The following SPTBN2 variants were observed in gnomAD, a reference collection of about 807,000 sequenced individuals.
SPTBN2 encodes the protein spectrin beta, non-erythrocytic 2, also known as spectrin beta chain, non-erythrocytic 2.
SPTBN2 carries 107 observed loss-of-function variants against 284.2 expected under a neutral mutation model. That is an observed-to-expected ratio of 0.38 (90% CI 0.32 to 0.44). SPTBN2 has a LOEUF of 0.44. SPTBN2 is among the 20% of genes least tolerant of loss of function. The pLI is 1.00. For missense variants in SPTBN2, 2,569 were observed against 3,287.1 expected, an observed-to-expected ratio of 0.78 and a Z score of 5.34; for synonymous variants, 1,289 against 1,354.8, an observed-to-expected ratio of 0.95 and a Z score of 1.07.
Position 66,715,376 on chromosome 11 carries a change from C to A in SPTBN2, c.329G>T (p.Arg110Leu). 6.2e-7 allele frequency: 1 copy of A among 1,613,696 alleles called. No individual in the cohort carries two copies. The highest frequency in any genetic ancestry group is 8.5e-7 in the Non-Finnish European group (1 of 1,179,604). ...GTTCTCCAGGCAGTGGATCCGCATG[C>A]GGCCCTTTGTAGGCTTTGGCTGTGG... ...GEILPKPTKG[R>L]MRIHCLENVD... The change falls in exon 5 of 38, where the codon CGC (arginine) becomes CTC (leucine). Residue 110 changes from arginine (R) to leucine (L), a missense_variant. Arg to Leu is a moderately radical substitution (Grantham distance 102, BLOSUM62 -2). Around this residue, in one of 6 missense-constraint regions of SPTBN2, gnomAD observed 304 missense variants for 522.1 expected, o/e 0.58. Transcript: ENST00000533211. This position sits in a 1 kb window ranked among gnomAD's most constrained non-coding sequence, Gnocchi z 5.3.
intron 1 of SPTBN2, among the ~76,000 whole-genome samples, chr11:66,722,289 A>C (rs961314969): frequency 6.6e-6 from 1 of 151,246 alleles, no homozygotes; most frequent in South Asian, 2.1e-4. Flanking sequence ...AAAGATATTA[A>C]GTTGGCTGGG....
At position 66,700,057 on chromosome 11, in the gene SPTBN2, G is replaced by A. The variant is rs1941154800; in HGVS notation, c.3574-449C>T. On this transcript the variant is annotated intron_variant, in intron 17 of 37. Coordinates refer to ENST00000533211, the MANE Select transcript of SPTBN2 (RefSeq NM_006946.4). The surrounding 1 kb of genome is among the most constrained non-coding windows in gnomAD (Gnocchi z 6.6). Reference sequence around the variant, plus strand: ...CTGCAGCCTCAAACTCCTGGCTCCAGTGATCCACCAGCCTCAGCCTCCCCA... The same window carrying A: ...CTGCAGCCTCAAACTCCTGGCTCCAATGATCCACCAGCCTCAGCCTCCCCA... Among the ~76,000 whole-genome samples, 1 of 151,726 alleles carries A rather than the reference G, an allele frequency of 6.6e-6. No homozygotes were observed. Among genetic ancestry groups the A allele is most frequent in the Non-Finnish European group, 1.5e-5 (1 of 67,952 alleles).
At chr11:66,740,831 T>C (rs1468782915) in intron 1 of SPTBN2, among the ~76,000 whole-genome samples, 1 of 152,206 alleles carries the variant, frequency 6.6e-6, no homozygotes, top group East Asian at 1.9e-4. Context: ...CTTAAGTTCC[T>C]AGGGTCAGCC....
intron 1 of SPTBN2, among the ~76,000 whole-genome samples, chr11:66,722,180 G>A (rs929678339): frequency 6.6e-6 from 1 of 152,178 alleles, no homozygotes; most frequent in Admixed American, 6.5e-5. Flanking sequence ...AATGTCGGCT[G>A]TGACATATCC....
chr11:66,694,275 G>A lies in SPTBN2; in HGVS notation c.4367C>T (p.Ala1456Val). The A allele has an allele frequency of 6.2e-7, 1 of 1,614,220 alleles. No homozygotes were observed. Among genetic ancestry groups the A allele is most frequent in the Non-Finnish European group, 8.5e-7 (1 of 1,180,042 alleles). The part of the protein sequence containing the change: ...AKALAQEDQG[A>V]GEVERTSRAV... The stretch of plus-strand genomic sequence containing the variant: ...CCTCGAGGTTCTCTCCACCTCCCCT[G>A]CACCCTGGTCCTCCTGGGCCAGTGC... The change falls in exon 22 of 38, where the codon GCA becomes GTA. Residue 1456 changes from alanine (A) to valine (V), a missense_variant. Physicochemically the swap from Ala to Val is moderately conservative, Grantham distance 64 (BLOSUM62 0). Coordinates refer to ENST00000533211, the MANE Select transcript of SPTBN2 (RefSeq NM_006946.4).
At chr11:66,722,748 C>T (rs1942475530) in intron 1 of SPTBN2, among the ~76,000 whole-genome samples, 1 of 151,678 alleles carries the variant, frequency 6.6e-6, no homozygotes, top group East Asian at 1.9e-4. Flanking sequence ...ACAAAATTAG[C>T]TGGGCGTGGT....
chr11:66,700,762 C>G lies in SPTBN2; in HGVS notation c.3337G>C (p.Glu1113Gln). 1 of 1,602,334 alleles carries G rather than the reference C, an allele frequency of 6.2e-7. No individual in the cohort carries two copies. The highest frequency in any genetic ancestry group is 1.1e-5 in the South Asian group (1 of 91,054). Reference protein sequence around the residue: ...LLAQHAALRGEVERAQSEYSR... With the variant: ...LLAQHAALRGQVERAQSEYSR... ...TACTCGCTCTGGGCCCGCTCCACCT[C>G]TCCCCGCAGGGCTGCATGTTGGGCC... The change falls in exon 17 of 38, where the codon GAG becomes CAG. Residue 1113 changes from glutamate to glutamine, a missense_variant. By Grantham distance (29) the Glu-to-Gln change is conservative (BLOSUM62 2). Transcript: ENST00000533211. This position sits in a 1 kb window ranked among gnomAD's most constrained non-coding sequence, Gnocchi z 6.6.
At position 66,715,231 on chromosome 11, in the gene SPTBN2, A is replaced by C; in HGVS notation, c.474T>G (p.Leu158=). Residue 158 remains leucine (L), a synonymous_variant, in exon 5 of 38, where the codon CTT becomes CTG. Transcript: ENST00000533211. The surrounding 1 kb of genome is among the most constrained non-coding windows in gnomAD (Gnocchi z 5.3). ...LTLGLVWTII[L]RFQIQDISVE... ...CAGTGTGCTGGGGTACCTGGAATCGAAGGATGATGGTCCAGACCAGCCCAA... is the reference window on the plus strand; with the variant it reads ...CAGTGTGCTGGGGTACCTGGAATCGCAGGATGATGGTCCAGACCAGCCCAA... 4.3e-6 allele frequency: 7 copies of C among 1,614,186 alleles called. No individual in the cohort carries two copies. Among genetic ancestry groups the C allele is most frequent in the Non-Finnish European group, 5.9e-6 (7 of 1,180,030 alleles).
At chr11:66,703,923 A>G (rs1170443243) in intron 15 of SPTBN2, among the ~76,000 whole-genome samples, 1 of 151,792 alleles carries the variant, frequency 6.6e-6, no homozygotes, top group Admixed American at 6.6e-5. Context: ...CACACAGACA[A>G]TTTGAAAATA....
At chr11:66,714,062 T>C (rs748095012) in intron 7 of SPTBN2, 29 bp downstream of exon 7, 6 of 1,610,198 alleles carry the variant, frequency 3.7e-6, no homozygotes, top group Non-Finnish European at 5.1e-6. Flanking sequence ...CCAGCAGCTC[T>C]GCTGCGTTTG....
chr11:66,692,448 G>A, intron 26 of SPTBN2, 88 bp downstream of exon 26: 1 of 1,513,592 alleles, frequency 6.6e-7, no homozygotes, highest in Non-Finnish European at 9.0e-7. Flanking sequence ...GCCCCTCAGT[G>A]CTCTGCCTGG....
At chr11:66,738,561 G>A (rs1253332780) in intron 1 of SPTBN2, among the ~76,000 whole-genome samples, 1 of 152,204 alleles carries the variant, frequency 6.6e-6, no homozygotes, top group Admixed American at 6.5e-5. Flanking sequence ...CTGTTGCCAG[G>A]CTGGAGTGCA....
chr11:66,685,877 G>A lies in SPTBN2; in HGVS notation c.7167C>T (p.Asn2389=). Residue 2389 remains asparagine (N), a synonymous_variant, in exon 38 of 38, where the codon AAC becomes AAT. Transcript: ENST00000533211. This position sits in a 1 kb window ranked among gnomAD's most constrained non-coding sequence, Gnocchi z 4.4. ...CCTGGGACCTTGCCCCCAACTACTT[G>A]TTCTTCTTAAAGAAGCTGAAGCGTT... is the stretch of plus-strand genomic sequence containing the variant. The part of the protein sequence containing the change: ...REKRFSFFKK[N]K 2 of 1,613,776 alleles carry A rather than the reference G, an allele frequency of 1.2e-6. No individual in the cohort carries two copies. The highest frequency in any genetic ancestry group is 1.7e-6 in the Non-Finnish European group (2 of 1,180,004).
intron 3 of SPTBN2, among the ~76,000 whole-genome samples, chr11:66,719,064 C>T (rs1942276264): frequency 6.6e-6 from 1 of 152,364 alleles, no homozygotes; most frequent in South Asian, 2.1e-4. Context: ...GCGAGGGCGA[C>T]CCCTCTCTGG....
At chr11:66,703,738 A>C (rs1941371899) in intron 15 of SPTBN2, among the ~76,000 whole-genome samples, 1 of 150,908 alleles carries the variant, frequency 6.6e-6, no homozygotes, top group Non-Finnish European at 1.5e-5. Context: ...CTCCATCTCA[A>C]AAAAAAAAGA....
Position 66,683,149 on chromosome 11 carries a change from G to A in SPTBN2, c.*2722C>T, listed in dbSNP as rs1488504156. Among the ~76,000 whole-genome samples the A allele has an allele frequency of 8.2e-6, 1 of 122,520 alleles. No homozygotes were observed. Among genetic ancestry groups the A allele is most frequent in the Non-Finnish European group, 1.6e-5 (1 of 61,946 alleles). 80.4% of individuals were successfully genotyped at this position (122,520 alleles called of 152,430 possible). A position where few individuals can be genotyped will look rare whatever the true frequency, so the allele number is the denominator to read the frequency against. On this transcript the variant is annotated 3_prime_UTR_variant, in exon 38 of 38. Coordinates refer to ENST00000533211, the MANE Select transcript of SPTBN2 (RefSeq NM_006946.4). ...GTGGCGGCATCTCGGCTCACTGCAA[G>A]CTCCGCCTCCCGGGTTCACGCCATT...
intron 1 of SPTBN2, among the ~76,000 whole-genome samples, chr11:66,740,934 G>T (rs1266858307): frequency 6.6e-6 from 1 of 152,114 alleles, no homozygotes; most frequent in Non-Finnish European, 1.5e-5. Context: ...ACATTCAAAA[G>T]GAAAGCTCAA....
Position 66,710,490 on chromosome 11 carries a change from T to A in SPTBN2, c.1073+92A>T, listed in dbSNP as rs548640315. 6 of 1,332,730 alleles carry A rather than the reference T, an allele frequency of 4.5e-6. No individual in the cohort carries two copies. In the East Asian group the frequency reaches 1.2e-4, roughly 28 times the overall value. The allele number at this position is 1,332,730 out of a possible 1,614,324, so 82.6% of individuals were successfully genotyped here. A position where few individuals can be genotyped will look rare whatever the true frequency, so the allele number is the denominator to read the frequency against. On this transcript the variant is annotated intron_variant, in intron 10 of 37. Transcript: ENST00000533211. The surrounding 1 kb of genome is among the most constrained non-coding windows in gnomAD (Gnocchi z 4.9). ...GGAAATCTCCACTGCATTTATGTAC[T>A]GCCAAATTTCCCTCCCTGAAGGCTG...
rs1274898329 is a variant in SPTBN2 at position 66,689,279 on chromosome 11, CT to C, written c.5950-100del. On this transcript the variant is annotated intron_variant, in intron 29 of 37. Transcript: ENST00000533211. ...AGGGGGACAGGTGATTTCTTTCTTT[CT>C]TTCTTTTTTTTGAGACGGAGTTTCG... The C allele has an allele frequency of 3.7e-6, 5 of 1,334,776 alleles. No individual in the cohort carries two copies. In the Admixed American group the frequency reaches 8.9e-5, roughly 24 times the overall value. 82.7% of individuals were successfully genotyped at this position (1,334,776 alleles called of 1,614,324 possible).
Sources: allele counts gnomAD v4.1 joint callset (sites outside exome capture counted in the v4.1 genomes callset), GRCh38; gene constraint gnomAD v4.1.1; regional missense constraint gnomAD v4.1.1; non-coding constraint Gnocchi (gnomAD v3.1); transcripts MANE v1.5; gene names NCBI Gene and HGNC (gene_info 2026-07-23, HGNC 2026-07-21).